EBF1: variants seen among roughly 807,000 people sequenced by gnomAD.
EBF1 encodes EBF transcription factor 1.
EBF1 carries 10 observed loss-of-function variants against 68.4 expected under a neutral mutation model. The ratio of observed to expected loss-of-function variants is 0.15; its 90% CI spans 0.09 to 0.25. The LOEUF (loss-of-function observed/expected upper bound fraction) is 0.25, where lower values mean the gene tolerates loss of function less well. Among genes scored for constraint, EBF1 ranks in the 10% least tolerant of loss-of-function variants. The probability of loss-of-function intolerance (pLI) is 1.00; values close to 1 mark genes in which losing one functional copy is unlikely to be tolerated. For missense variants in EBF1, 509 were observed against 794.4 expected (o/e 0.64, Z 4.32); for synonymous variants, 298 against 299.8 (o/e 0.99, Z 0.06).
At chr5:158,816,137 A>G (rs529924496) in intron 8 of EBF1, among the ~76,000 whole-genome samples, 61 of 152,348 alleles carry the variant, frequency 4.0e-4, no homozygotes, top group South Asian at 1.0e-3. Context: ...ATTCTGCATC[A>G]AAACTAGCCA....
intron 6 of EBF1, among the ~76,000 whole-genome samples, chr5:159,050,191 T>C (rs373030757): frequency 8.9e-5 from 13 of 146,152 alleles, no homozygotes; most frequent in African/African-American, 3.4e-4. Context: ...TTCTCTCTTT[T>C]CTCTCTCTCT....
chr5:159,002,614 A>AC (rs1201891925), intron 6 of EBF1, among the ~76,000 whole-genome samples: 7 of 152,212 alleles, frequency 4.6e-5, no homozygotes, highest in Non-Finnish European at 8.8e-5. Context: ...TAATGAACAT[A>AC]CCCTTTAATG....
At chr5:158,740,263 G>A (rs1328191415) in intron 10 of EBF1, among the ~76,000 whole-genome samples, 4 of 152,162 alleles carry the variant, frequency 2.6e-5, no homozygotes, top group Admixed American at 1.3e-4. Context: ...GCTCCAAGGC[G>A]AAGAAATCCT....
At chr5:158,718,415 T>C (rs891327208) in intron 11 of EBF1, among the ~76,000 whole-genome samples, 1 of 152,158 alleles carries the variant, frequency 6.6e-6, no homozygotes, top group Non-Finnish European at 1.5e-5. Flanking sequence ...CCTTCCCCTT[T>C]TTTTGGAGGG....
intron 6 of EBF1, among the ~76,000 whole-genome samples, chr5:158,868,124 C>T (rs1352770267): frequency 6.6e-6 from 1 of 151,512 alleles, no homozygotes; most frequent in Non-Finnish European, 1.5e-5. Flanking sequence ...TAAAAAATGG[C>T]TCCTATTCAT....
chr5:158,848,818 T>G (rs1347797690), intron 6 of EBF1, among the ~76,000 whole-genome samples: 1 of 152,206 alleles, frequency 6.6e-6, no homozygotes, highest in African/African-American at 2.4e-5. Flanking sequence ...TCAGAGGGTT[T>G]CGATATTAAC....
chr5:159,006,616 C>G (rs143582569), intron 6 of EBF1, among the ~76,000 whole-genome samples: 67 of 104,258 alleles, frequency 6.4e-4, no homozygotes, highest in African/African-American at 2.5e-3. Flanking sequence ...TTTGTAATTT[C>G]ACAAACTCAT....
At chr5:158,717,801 C>G (rs910894536) in intron 11 of EBF1, among the ~76,000 whole-genome samples, 2 of 151,930 alleles carry the variant, frequency 1.3e-5, no homozygotes, top group Non-Finnish European at 2.9e-5. Context: ...CTTAAAGATA[C>G]AAAAAAGCTT....
chr5:158,705,139 C>T (rs747408230), intron 15 of EBF1, among the ~76,000 whole-genome samples: 20 of 152,156 alleles, frequency 1.3e-4, no homozygotes, highest in Non-Finnish European at 2.9e-4. Context: ...CACCACCAGG[C>T]CCGGCTAATT....
chr5:158,741,566 C>A (rs1196624608), intron 10 of EBF1, among the ~76,000 whole-genome samples: 2 of 148,130 alleles, frequency 1.4e-5, no homozygotes, highest in African/African-American at 5.0e-5. Context: ...CAGAGCAAGA[C>A]CCTGTCTTTA....
rs114505109 is a variant in EBF1, at chr5:158,727,636, G to A, written c.1125+3433C>T. On this transcript the variant is annotated intron_variant, in intron 11 of 15. Transcript: ENST00000313708. The stretch of plus-strand genomic sequence containing the variant: ...TGAAAAAGGAAACCAAAAAACATCT[G>A]GGGTTAGCATAATCACAGTATTTTA... Among the ~76,000 whole-genome samples the A allele has an allele frequency of 8.8e-3, 1,335 of 152,260 alleles. 12 individuals carry two copies. Among genetic ancestry groups the A allele is most frequent in the Non-Finnish European group, 0.014 (938 of 68,014 alleles).
At chr5:159,083,005 A>G (rs1019296846) in intron 5 of EBF1, among the ~76,000 whole-genome samples, 1 of 152,242 alleles carries the variant, frequency 6.6e-6, no homozygotes, top group Admixed American at 6.5e-5. Flanking sequence ...GAAAGGCATA[A>G]TATATCTTTA....
At chr5:158,865,762 A>C (rs745877501) in intron 6 of EBF1, among the ~76,000 whole-genome samples, 2 of 152,238 alleles carry the variant, frequency 1.3e-5, no homozygotes, top group African/African-American at 2.4e-5. Context: ...GAGAAAGATC[A>C]ATAAAGAACT....
At chr5:158,930,972 G>A (rs1810762531) in intron 6 of EBF1, among the ~76,000 whole-genome samples, 1 of 151,946 alleles carries the variant, frequency 6.6e-6, no homozygotes, top group Non-Finnish European at 1.5e-5. Flanking sequence ...TGCAAATGGG[G>A]GTCCAGTGTT....
chr5:159,016,931 A>G (rs1765718909), intron 6 of EBF1, among the ~76,000 whole-genome samples: 1 of 152,264 alleles, frequency 6.6e-6, no homozygotes, highest in Non-Finnish European at 1.5e-5. Flanking sequence ...GGAAAAACCC[A>G]GCTCAAATTC....
Position 158,695,920 on chromosome 5 carries a change from TCA to T in EBF1, c.*3189_*3190del, listed in dbSNP as rs1755696350. 5.5e-6 allele frequency: 1 copy of T among 181,272 alleles called. No homozygotes were observed. Among genetic ancestry groups the T allele is most frequent in the African/African-American group, 2.4e-5 (1 of 42,120 alleles). 11.2% of individuals were successfully genotyped at this position (181,272 alleles called of 1,614,324 possible). On this transcript the variant is annotated 3_prime_UTR_variant, in exon 16 of 16. Coordinates refer to ENST00000313708, the MANE Select transcript of EBF1 (RefSeq NM_024007.5). ...ATGAATACACAACTAGGAGCTGCCA[TCA>T]CAGACAGGAAGTAACTTTAATTAAA...
At chr5:158,734,508 A>G (rs1764763325) in intron 10 of EBF1, among the ~76,000 whole-genome samples, 1 of 152,184 alleles carries the variant, frequency 6.6e-6, no homozygotes, top group Non-Finnish European at 1.5e-5. Context: ...AGAGAGGGTA[A>G]CAGGGAGGAA....
chr5:158,925,759 T>C (rs1032188538), intron 6 of EBF1, among the ~76,000 whole-genome samples: 5 of 152,254 alleles, frequency 3.3e-5, no homozygotes, highest in Non-Finnish European at 7.3e-5. Context: ...TTACTTAAGC[T>C]ACTGTTATTT....
chr5:158,748,340 A>G (rs1292299197), intron 10 of EBF1, among the ~76,000 whole-genome samples: 1 of 152,174 alleles, frequency 6.6e-6, no homozygotes, highest in Admixed American at 6.5e-5. Context: ...AAGTAAGTTG[A>G]AAATGGTTAT....
Sources: allele counts gnomAD v4.1 joint callset (sites outside exome capture counted in the v4.1 genomes callset), GRCh38; gene constraint gnomAD v4.1.1; transcripts MANE v1.5; gene names NCBI Gene and HGNC (gene_info 2026-07-23, HGNC 2026-07-21).